ATP2B4: variants seen among roughly 807,000 people sequenced by gnomAD.
ATP2B4 encodes the protein ATPase plasma membrane Ca2+ transporting 4, also known as plasma membrane calcium-transporting ATPase 4.
Under a neutral mutation model 110.3 loss-of-function variants are expected in ATP2B4, and 39 were observed. The ratio of observed to expected loss-of-function variants is 0.35; its 90% CI spans 0.27 to 0.46. ATP2B4 has a LOEUF of 0.46. Among genes scored for constraint, ATP2B4 ranks in the 20% least tolerant of loss-of-function variants. ATP2B4 has a pLI of 1.00. For synonymous variants in ATP2B4, 538 were observed against 571.7 expected (o/e 0.94, Z 0.84); for missense variants, 1,135 against 1,530.9 (o/e 0.74, Z 4.32).
intron 18 of ATP2B4, among the ~76,000 whole-genome samples, chr1:203,723,231 C>A (rs1558052248): frequency 6.6e-6 from 1 of 151,404 alleles, no homozygotes; most frequent in Non-Finnish European, 1.5e-5. Flanking sequence ...CAGGGCACCT[C>A]CCTTTATTTG....
rs1665895961 is a variant in ATP2B4, at chr1:203,707,901, G to A, written c.1354G>A (p.Ala452Thr). 6.2e-7 allele frequency: 1 copy of A among 1,614,080 alleles called. No individual in the cohort carries two copies. The change falls in exon 10 of 21, where the codon GCT becomes ACT. Residue 452 changes from alanine (A) to threonine (T), a missense_variant. Physicochemically the swap from Ala to Thr is moderately conservative, Grantham distance 58. Coordinates refer to ENST00000357681, the MANE Select transcript of ATP2B4 (RefSeq NM_001684.5). ...CAATAACCTAGTACGGCACTTGGAT[G>A]CTTGTGAGACCATGGGCAACGCCAC... ...KDNNLVRHLDACETMGNATAI... is the reference protein window; with the variant it reads ...KDNNLVRHLDTCETMGNATAI...
chr1:203,680,273 G>C (rs947052109), intron 1 of ATP2B4, among the ~76,000 whole-genome samples: 3 of 152,086 alleles, frequency 2.0e-5, no homozygotes, highest in African/African-American at 7.2e-5. Flanking sequence ...GGAGCTTATT[G>C]TTCTTCTTCT....
intron 2 of ATP2B4, among the ~76,000 whole-genome samples, chr1:203,690,447 G>A (rs1308735019): frequency 6.6e-6 from 1 of 152,116 alleles, no homozygotes. Context: ...TCTAACAGAT[G>A]GATGCATGCC....
At chr1:203,658,368 TAA>T (rs530207721) in intron 1 of ATP2B4, among the ~76,000 whole-genome samples, 27 of 117,274 alleles carry the variant, frequency 2.3e-4, no homozygotes, top group East Asian at 4.6e-4. Flanking sequence ...TAATAAAAAT[TAA>T]AAAAAAAAAA....
chr1:203,653,489 C>G (rs4424560), intron 1 of ATP2B4, among the ~76,000 whole-genome samples: 144,556 of 152,302 alleles, frequency 0.95, 69,067 homozygotes, highest in East Asian at 1. Context: ...ATGCCATCTA[C>G]GACTTTCATA....
At chr1:203,701,012 G>A (rs1236055704) in intron 6 of ATP2B4, 89 bp downstream of exon 6, 3 of 1,461,746 alleles carry the variant, frequency 2.1e-6, no homozygotes, top group African/African-American at 1.4e-5. Context: ...AGAAAGCATG[G>A]TTGGAAGAAT....
At position 203,707,127 on chromosome 1, in the gene ATP2B4, T is replaced by C. The variant is rs1195359529; in HGVS notation, c.1218T>C (p.Phe406=). Residue 406 remains phenylalanine, a synonymous_variant, in exon 9 of 21, where the codon TTT becomes TTC. Coordinates refer to ENST00000357681, the MANE Select transcript of ATP2B4 (RefSeq NM_001684.5). ...GTACTCCCATCTACATCCAGTACTT[T>C]GTCAAGTTCTTCATCATCGGCATCA... ...PECTPIYIQY[F]VKFFIIGITV... 6.2e-7 allele frequency: 1 copy of C among 1,614,086 alleles called. No individual in the cohort carries two copies. Among genetic ancestry groups the C allele is most frequent in the East Asian group, 2.2e-5 (1 of 44,880 alleles).
intron 1 of ATP2B4, among the ~76,000 whole-genome samples, chr1:203,659,736 G>A (rs576640200): frequency 3.9e-5 from 6 of 152,208 alleles, no homozygotes; most frequent in African/African-American, 7.2e-5. Flanking sequence ...AGGCTGAAGC[G>A]GGAAGATTGC....
intron 1 of ATP2B4, among the ~76,000 whole-genome samples, chr1:203,638,011 T>G (rs1571666661): frequency 6.6e-6 from 1 of 151,576 alleles, no homozygotes; most frequent in Admixed American, 6.6e-5. Context: ...GCTGAAGGGG[T>G]CTTAGTGGGA....
In ATP2B4 at chr1:203,727,407, A is replaced by G. The variant is rs1265818922; in HGVS notation, c.3145A>G (p.Ile1049Val). ...ELLWGQFISAIPTRSLKFLKE... is the reference protein window; with the variant it reads ...ELLWGQFISAVPTRSLKFLKE... ...CGCTTGTTTTCAGTTCATCTCCGCA[A>G]TACCTACCCGATCCCTGAAGTTCCT... is the stretch of plus-strand genomic sequence containing the variant. Residue 1049 changes from isoleucine to valine, a missense_variant, in exon 20 of 21, where the codon ATA (isoleucine) becomes GTA (valine). Physicochemically the swap from Ile to Val is conservative, Grantham distance 29. Coordinates refer to ENST00000357681, the MANE Select transcript of ATP2B4 (RefSeq NM_001684.5). 3 of 1,614,210 alleles carry G rather than the reference A, an allele frequency of 1.9e-6. No individual in the cohort carries two copies. The South Asian group carries it at 3.3e-5, about 18-fold the overall frequency.
rs745775852 is a variant in ATP2B4 at position 203,711,943 on chromosome 1, T to G, written c.2032-17T>G. On this transcript the variant is annotated splice_polypyrimidine_tract_variant and intron_variant, in intron 12 of 20. Transcript: ENST00000357681. ...TCACCCTCATCTGCGCCTTTCCCCT[T>G]TCTTCACTCTCCATAGGTGCCAGAT... 9.3e-6 allele frequency: 15 copies of G among 1,612,574 alleles called. No individual in the cohort carries two copies. The Middle Eastern group carries it at 1.2e-3, about 124-fold the overall frequency.
intron 1 of ATP2B4, among the ~76,000 whole-genome samples, chr1:203,635,915 A>G (rs559764830): frequency 6.6e-6 from 1 of 152,134 alleles, no homozygotes; most frequent in Non-Finnish European, 1.5e-5. Context: ...TAGGAAGCCT[A>G]CCTTCCCACC....
rs1665935944 is a variant in ATP2B4 at position 203,709,283 on chromosome 1, G to A, written c.1558-18G>A. On this transcript the variant is annotated intron_variant, in intron 10 of 20. Coordinates refer to ENST00000357681, the MANE Select transcript of ATP2B4 (RefSeq NM_001684.5). Reference sequence around the variant, plus strand: ...AAGGCATCTTACTCAATAGTGCTGTGTATATTTCTTCTCCCAGCCTCCAGA... The same window carrying A: ...AAGGCATCTTACTCAATAGTGCTGTATATATTTCTTCTCCCAGCCTCCAGA... The A allele has an allele frequency of 6.2e-7, 1 of 1,613,998 alleles. No individual in the cohort carries two copies. Among genetic ancestry groups the A allele is most frequent in the African/African-American group, 1.3e-5 (1 of 74,942 alleles).
At chr1:203,719,574 G>T (rs144873063) in intron 15 of ATP2B4, among the ~76,000 whole-genome samples, 1 of 151,606 alleles carries the variant, frequency 6.6e-6, no homozygotes, top group Admixed American at 6.6e-5. Context: ...GCCCGTCATG[G>T]TGGTGCGTCC....
chr1:203,630,712 C>G (rs1404594606), intron 1 of ATP2B4, among the ~76,000 whole-genome samples: 3 of 152,208 alleles, frequency 2.0e-5, no homozygotes, highest in Non-Finnish European at 2.9e-5. Flanking sequence ...GCCCAGTTCC[C>G]TGCTTCTCAG....
At chr1:203,652,821 G>C (rs1399982203) in intron 1 of ATP2B4, among the ~76,000 whole-genome samples, 1 of 152,182 alleles carries the variant, frequency 6.6e-6, no homozygotes, top group Non-Finnish European at 1.5e-5. Context: ...CTGACGAGCT[G>C]TTCTTCATCT....
intron 1 of ATP2B4, among the ~76,000 whole-genome samples, chr1:203,639,547 C>T (rs985425393): frequency 1.3e-5 from 2 of 152,132 alleles, no homozygotes; most frequent in South Asian, 2.1e-4. Flanking sequence ...GATCTAGACC[C>T]GACGCACAAC....
intron 1 of ATP2B4, among the ~76,000 whole-genome samples, chr1:203,634,387 C>T (rs765435208): frequency 4.6e-5 from 7 of 152,198 alleles, no homozygotes; most frequent in Non-Finnish European, 8.8e-5. Flanking sequence ...ACTCTGTCAG[C>T]CATGTTGGAG....
chr1:203,668,351 G>T (rs1276128578), intron 1 of ATP2B4, among the ~76,000 whole-genome samples: 1 of 152,140 alleles, frequency 6.6e-6, no homozygotes, highest in Non-Finnish European at 1.5e-5. Flanking sequence ...CCCTATTTAT[G>T]CTAGATTGGG....
Sources: gnomAD v4.1 joint callset for allele counts (sites outside exome capture counted in the v4.1 genomes callset) on GRCh38, gnomAD v4.1.1 for gene constraint, MANE v1.5 for transcripts, NCBI Gene and HGNC (gene_info 2026-07-23, HGNC 2026-07-21) for gene names.